ZACN: variants seen among roughly 807,000 people sequenced by gnomAD.
The protein encoded by ZACN is ligand-gated cation channel ZACN.
Under a neutral mutation model 38.9 loss-of-function variants are expected in ZACN, and 52 were observed. That is an observed-to-expected ratio of 1.34 (90% CI 1.07 to 1.68). The LOEUF is 1.68. Ranked by LOEUF, ZACN falls within the 40% of genes most tolerant of loss-of-function variation. The probability of loss-of-function intolerance (pLI) is 0.00; values close to 1 mark genes in which losing one functional copy is unlikely to be tolerated. For missense variants in ZACN, 559 were observed against 525.6 expected (o/e 1.06, Z -0.62); for synonymous variants, 235 against 227.4 (o/e 1.03, Z -0.30).
In ZACN at chr17:76,081,766, C is replaced by A. The variant is rs763816558; in HGVS notation, c.880+11C>A. 5 of 1,614,018 alleles carry A rather than the reference C, an allele frequency of 3.1e-6. 1 individual carries two copies. The Admixed American group carries it at 8.3e-5, about 27-fold the overall frequency. On this transcript the variant is annotated intron_variant, in intron 7 of 8. Transcript: ENST00000334586. ...GCAACCCACTGCTCAGTAAGCCCTG[C>A]TCCCTTACCCAGTCTGCCCTGTTTC...
At chr17:76,082,240 G>A (rs2067013277) in intron 8 of ZACN, 191 bp downstream of exon 8, 1 of 805,686 alleles carries the variant, frequency 1.2e-6, no homozygotes, top group Non-Finnish European at 1.9e-6. Context: ...GAGCCTCCCT[G>A]AAGTCCCAGG....
rs2066917776 is a variant in ZACN at position 76,079,533 on chromosome 17, G to A, written c.192G>A (p.Val64=). The A allele has an allele frequency of 5.6e-6, 9 of 1,614,198 alleles. No individual in the cohort carries two copies. The East Asian group carries it at 2.0e-4, about 36-fold the overall frequency. ...GGAGTGCGCCCCTGCTCGTGGATGT[G>A]CGGGTGTTTGTCTCCAACGTGTTTA... ...NNGSAPLLVD[V]RVFVSNVFNV... Residue 64 remains valine (V), a synonymous_variant, in exon 2 of 9, where the codon GTG becomes GTA. Transcript: ENST00000334586.
chr17:76,081,601 G>A lies in ZACN; in HGVS notation c.726G>A (p.Glu242=). 2 of 1,614,052 alleles carry A rather than the reference G, an allele frequency of 1.2e-6. No individual in the cohort carries two copies. Among genetic ancestry groups the A allele is most frequent in the South Asian group, 1.1e-5 (1 of 91,088 alleles). Residue 242 remains glutamate, a synonymous_variant, in exon 7 of 9, where the codon GAG becomes GAA. Transcript: ENST00000334586. ...KSIIALLVPA[E]ALLLADVCGG... is the part of the protein sequence containing the mutation. ...TCATCGCTCTCTTGGTGCCTGCAGA[G>A]GCACTGCTGTTGGCTGACGTGTGCG...
At position 76,079,450 on chromosome 17, in the gene ZACN, C is replaced by G; in HGVS notation, c.109C>G (p.Leu37Val). ...FQGTAAIWPS[L>V]FNVNLSKKVQ... ...CTTTTCTCTCTCAGTCTGGCCATCC[C>G]TCTTCAACGTCAACTTGTCCAAGAA... is the stretch of plus-strand genomic sequence containing the variant. The change falls in exon 2 of 9, where the codon CTC (leucine) becomes GTC (valine). Residue 37 changes from leucine (L) to valine (V), a missense_variant. Coordinates refer to ENST00000334586, the MANE Select transcript of ZACN (RefSeq NM_180990.4). 6.2e-7 allele frequency: 1 copy of G among 1,614,206 alleles called. No homozygotes were observed. The highest frequency in any genetic ancestry group is 8.5e-7 in the Non-Finnish European group (1 of 1,180,034).
chr17:76,079,230 G>A lies in ZACN; in HGVS notation c.-35G>A. 1 of 1,571,340 alleles carries A rather than the reference G, an allele frequency of 6.4e-7. No individual in the cohort carries two copies. The highest frequency in any genetic ancestry group is 8.7e-7 in the Non-Finnish European group (1 of 1,153,528). ...GACTGGAATAGAGGTTGTAGCTTAG[G>A]CACCGCTGCTCCCTCCAGTCCCTCC... On this transcript the variant is annotated 5_prime_UTR_variant, in exon 1 of 9. Transcript: ENST00000334586.
rs112045875 is a variant in ZACN at position 76,081,967 on chromosome 17, C to G, written c.966C>G (p.Asn322Lys). 30 of 1,612,716 alleles carry G rather than the reference C, an allele frequency of 1.9e-5. No homozygotes were observed. The highest frequency in any genetic ancestry group is 2.5e-5 in the Non-Finnish European group (29 of 1,179,844). The change falls in exon 8 of 9, where the codon AAC (asparagine) becomes AAG (lysine). Residue 322 changes from asparagine (N) to lysine (K), a missense_variant. Coordinates refer to ENST00000334586, the MANE Select transcript of ZACN (RefSeq NM_180990.4). ...TGGCTGGGCTGCTGGCCCGGGGCAA[C>G]CTTGGGGCCAAGAGCGGCCCCAGCC... is the stretch of plus-strand genomic sequence containing the variant. Reference protein sequence around the residue: ...VLLAGLLARGNLGAKSGPSPA... With the variant: ...VLLAGLLARGKLGAKSGPSPA...
At position 76,080,133 on chromosome 17, in the gene ZACN, G is replaced by C; in HGVS notation, c.375-122G>C. ...ACTAGCAGTGCACCTTCACTGCCTC[G>C]AATTCCCCTCCCACTGCCAGAACTC... On this transcript the variant is annotated intron_variant, in intron 4 of 8. Transcript: ENST00000334586. The C allele has an allele frequency of 4.1e-6, 6 of 1,466,378 alleles. No individual in the cohort carries two copies. The South Asian group carries it at 6.7e-5, about 16-fold the overall frequency. The allele number at this position is 1,466,378 out of a possible 1,614,324, so 90.8% of individuals were successfully genotyped here.
In ZACN at chr17:76,081,925, CAT is replaced by C; in HGVS notation, c.926_927del (p.Ile309ArgfsTer40). The C allele has an allele frequency of 6.2e-7, 1 of 1,613,452 alleles. No homozygotes were observed. Among genetic ancestry groups the C allele is most frequent in the Non-Finnish European group, 8.5e-7 (1 of 1,179,862 alleles). ...ILLLLLFLST[I>X]ETVLLAGLLA... ...TGCTGCTGCTGCTCTTCCTCAGCACCATAGAGACTGTGCTGCTGGCTGGGCTG... is the reference window on the plus strand; with the variant it reads ...TGCTGCTGCTGCTCTTCCTCAGCACCAGAGACTGTGCTGCTGGCTGGGCTG... On this transcript the variant is annotated frameshift_variant, in exon 8 of 9. Transcript: ENST00000334586. LOFTEE classifies it high-confidence loss of function.
chr17:76,080,440 G>C lies in ZACN; in HGVS notation c.544+16G>C, dbSNP rs1306981224. ...AGCAACACGGGTGCTGACAGGGCAG[G>C]GGCTGCAGGGTTGAGGAGGGGAGGA... On this transcript the variant is annotated intron_variant, in intron 5 of 8. Coordinates refer to ENST00000334586, the MANE Select transcript of ZACN (RefSeq NM_180990.4). 1.9e-6 allele frequency: 3 copies of C among 1,612,708 alleles called. No homozygotes were observed. Among genetic ancestry groups the C allele is most frequent in the Non-Finnish European group, 1.7e-6 (2 of 1,179,924 alleles).
chr17:76,082,699 C>G lies in ZACN; in HGVS notation c.*46C>G. On this transcript the variant is annotated 3_prime_UTR_variant, in exon 9 of 9. Coordinates refer to ENST00000334586, the MANE Select transcript of ZACN (RefSeq NM_180990.4). Reference sequence around the variant, plus strand: ...ACACCTTAGGATGAAGTTTGCTTTCCCATGGCTGGGGGCGGGCCATGACAG... The same window carrying G: ...ACACCTTAGGATGAAGTTTGCTTTCGCATGGCTGGGGGCGGGCCATGACAG... 1 of 1,540,184 alleles carries G rather than the reference C, an allele frequency of 6.5e-7. No homozygotes were observed. The highest frequency in any genetic ancestry group is 8.7e-7 in the Non-Finnish European group (1 of 1,144,690).
chr17:76,080,435 G>C lies in ZACN; in HGVS notation c.544+11G>C. The C allele has an allele frequency of 6.2e-7, 1 of 1,613,050 alleles. No homozygotes were observed. On this transcript the variant is annotated intron_variant, in intron 5 of 8. Transcript: ENST00000334586. ...CTCTCAGCAACACGGGTGCTGACAG[G>C]GCAGGGGCTGCAGGGTTGAGGAGGG...
intron 5 of ZACN, 67 bp from the exon 6 acceptor site, chr17:76,081,211 G>A: frequency 6.3e-7 from 1 of 1,598,824 alleles, no homozygotes. Context: ...GCTCCAGTCT[G>A]CTACCCCCAG....
In ZACN at chr17:76,082,449, A is replaced by G; in HGVS notation, c.1049-14A>G. ...CTTGAAGAACAGCTCCTTTCCCTGT[A>G]TCTCTCCCCACAGAGCCCTCCAGAG... is the stretch of plus-strand genomic sequence containing the variant. On this transcript the variant is annotated splice_polypyrimidine_tract_variant and intron_variant, in intron 8 of 8. Transcript: ENST00000334586. 6.3e-7 allele frequency: 1 copy of G among 1,589,794 alleles called. No individual in the cohort carries two copies. The highest frequency in any genetic ancestry group is 8.6e-7 in the Non-Finnish European group (1 of 1,167,208).
intron 5 of ZACN, 178 bp from the exon 6 acceptor site, chr17:76,081,100 T>G (rs1300896287): frequency 4.1e-6 from 3 of 730,038 alleles, no homozygotes; most frequent in Admixed American, 2.8e-5. Flanking sequence ...GGAGACAATT[T>G]GGGATGTTGC....
chr17:76,079,757 A>G lies in ZACN; in HGVS notation c.267+11A>G, dbSNP rs774719253. 2.5e-6 allele frequency: 4 copies of G among 1,612,800 alleles called. No individual in the cohort carries two copies. The highest frequency in any genetic ancestry group is 4.5e-5 in the East Asian group (2 of 44,898). The stretch of plus-strand genomic sequence containing the variant: ...CTGCTGCTTAGGCTGGTGAGCTCCT[A>G]TGCCTGGGGAGGTGGGATGGGAAAG... On this transcript the variant is annotated intron_variant, in intron 3 of 8. Coordinates refer to ENST00000334586, the MANE Select transcript of ZACN (RefSeq NM_180990.4).
At chr17:76,080,670 G>A in intron 5 of ZACN, 1 of 657,306 alleles carries the variant, frequency 1.5e-6, no homozygotes, top group South Asian at 1.5e-5. Flanking sequence ...TAGCCTCAGG[G>A]CCCCTCTCTA....
rs934182301 is a variant in ZACN at position 76,079,425 on chromosome 17, C to A, written c.98-14C>A. 1.2e-6 allele frequency: 2 copies of A among 1,614,058 alleles called. No homozygotes were observed. Among genetic ancestry groups the A allele is most frequent in the African/African-American group, 2.7e-5 (2 of 74,928 alleles). ...CCCTAGGGCACCTGAGTGACCTTGA[C>A]TTTTCTCTCTCAGTCTGGCCATCCC... On this transcript the variant is annotated splice_polypyrimidine_tract_variant and intron_variant, in intron 1 of 8. Transcript: ENST00000334586.
chr17:76,082,275 T>C (rs2067014544), intron 8 of ZACN, 188 bp from the exon 9 acceptor site: 1 of 773,374 alleles, frequency 1.3e-6, no homozygotes, highest in Non-Finnish European at 2.0e-6. Context: ...TGATAACCCA[T>C]GCCTTGCACA....
At position 76,082,045 on chromosome 17, in the gene ZACN, T is replaced by C; in HGVS notation, c.1044T>C (p.Ala348=). 6.2e-7 allele frequency: 1 copy of C among 1,606,472 alleles called. No individual in the cohort carries two copies. Reference sequence around the variant, plus strand: ...ACGGCAACCCAGGGCCTCATCCTGCTGAAGGTGGGCAGGGGCTGGGGGGTA... The same window carrying C: ...ACGGCAACCCAGGGCCTCATCCTGCCGAAGGTGGGCAGGGGCTGGGGGGTA... ...REHGNPGPHP[A]EEPSRGVKGS... is the part of the protein sequence containing the mutation. Residue 348 remains alanine (A), a synonymous_variant, in exon 8 of 9, where the codon GCT becomes GCC. Transcript: ENST00000334586.
Sources: gnomAD v4.1 joint callset for allele counts on GRCh38, gnomAD v4.1.1 for gene constraint, MANE v1.5 for transcripts, NCBI Gene and HGNC (gene_info 2026-07-23, HGNC 2026-07-21) for gene names.